Variants in FGF16 observed in about 807,000 individuals in gnomAD.
FGF16 encodes the protein fibroblast growth factor 16.
FGF16 carries 2 observed loss-of-function variants against 8.5 expected under a neutral mutation model. That is an observed-to-expected ratio of 0.24 (90% CI 0.10 to 0.75). The LOEUF (loss-of-function observed/expected upper bound fraction) is 0.75, where lower values mean the gene tolerates loss of function less well. Ranked by LOEUF, FGF16 falls within the 30% of genes least tolerant of loss-of-function variation. The pLI is 0.74. For missense variants in FGF16, 79 were observed against 87.4 expected, an observed-to-expected ratio of 0.90 and a Z score of 0.38; for synonymous variants, 33 against 34.6, an observed-to-expected ratio of 0.95 and a Z score of 0.16.
rs1557027166 is a variant in FGF16, at chrX:77,456,727, G to A, written c.*205G>A. ...TATTTTGGGGAGGGATGGGGGGCTG[G>A]GCTCGAGGGAATCTTGTATATACTT... is the stretch of plus-strand genomic sequence containing the variant. On this transcript the variant is annotated 3_prime_UTR_variant, in exon 3 of 3. Transcript: ENST00000439435. 2.6e-6 allele frequency: 1 copy of A among 384,857 alleles called. No individual in the cohort carries two copies. The highest frequency in any genetic ancestry group is 4.6e-5 in the Admixed American group (1 of 21,974). 31.7% of individuals were successfully genotyped at this position (384,857 alleles called of 1,213,427 possible).
intron 2 of FGF16, among the ~76,000 whole-genome samples, chrX:77,455,782 T>C (rs1301655401): frequency 8.9e-6 from 1 of 111,747 alleles, no homozygotes; most frequent in Non-Finnish European, 1.9e-5. Flanking sequence ...TTCAAGGAGA[T>C]CTTTTCTGAG....
chrX:77,449,512 C>T (rs193043230), intron 1 of FGF16, among the ~76,000 whole-genome samples: 31 of 110,410 alleles, frequency 2.8e-4, no homozygotes, highest in East Asian at 1.4e-3. Context: ...AACTCATTGC[C>T]GATATGTAAC....
Position 77,456,691 on chromosome X carries a change from C to A in FGF16, c.*169C>A. 2.1e-6 allele frequency: 1 copy of A among 470,836 alleles called. No homozygotes were observed. The allele number at this position is 470,836 out of a possible 1,213,427, so 38.8% of individuals were successfully genotyped here. A position where few individuals can be genotyped will look rare whatever the true frequency, so the allele number is the denominator to read the frequency against. On this transcript the variant is annotated 3_prime_UTR_variant, in exon 3 of 3. Coordinates refer to ENST00000439435, the MANE Select transcript of FGF16 (RefSeq NM_003868.3). Reference sequence around the variant, plus strand: ...TTCCCTTGTTGTTCAAAGTGTATATCAAGGTTGGGTTATTTTGGGGAGGGA... The same window carrying A: ...TTCCCTTGTTGTTCAAAGTGTATATAAAGGTTGGGTTATTTTGGGGAGGGA...
chrX:77,453,115 G>T (rs1411419765), intron 1 of FGF16, among the ~76,000 whole-genome samples: 1 of 111,308 alleles, frequency 9.0e-6, no homozygotes, highest in Non-Finnish European at 1.9e-5. Context: ...TTGCAATTTT[G>T]GATAAGAAAG....
chrX:77,454,426 G>A (rs1165238715), intron 2 of FGF16, among the ~76,000 whole-genome samples, 166 bp downstream of exon 2: 15 of 106,631 alleles, frequency 1.4e-4, no homozygotes, highest in African/African-American at 4.5e-4. Flanking sequence ...TGAGGTGGGC[G>A]GATCACAAGG....
Position 77,454,254 on chromosome X carries a change from T to C in FGF16, c.372T>C (p.Tyr124=). The C allele has an allele frequency of 3.0e-6, 2 of 673,407 alleles. No homozygotes were observed. Among genetic ancestry groups the C allele is most frequent in the Non-Finnish European group, 4.4e-6 (2 of 459,352 alleles). The allele number at this position is 673,407 out of a possible 1,213,427, so 55.5% of individuals were successfully genotyped here. The part of the protein sequence containing the change: ...YLGMNERGEL[Y]GSKKLTRECV... ...GAATGAATGAGCGAGGAGAACTCTA[T>C]GGGTCGGTAAGTTTAAGGTTTTTTT... The change falls in exon 2 of 3, where the codon TAT becomes TAC. Residue 124 remains tyrosine, a synonymous_variant. Coordinates refer to ENST00000439435, the MANE Select transcript of FGF16 (RefSeq NM_003868.3).
intron 1 of FGF16, among the ~76,000 whole-genome samples, chrX:77,451,354 A>T (rs782385369): frequency 8.9e-6 from 1 of 112,170 alleles, no homozygotes; most frequent in East Asian, 2.8e-4. Context: ...GACATGAGAT[A>T]CTTACAGAAT....
intron 1 of FGF16, among the ~76,000 whole-genome samples, chrX:77,449,234 G>GT (rs1230016338): frequency 1.8e-5 from 2 of 111,559 alleles, no homozygotes; most frequent in Non-Finnish European, 3.8e-5. Context: ...CCCTAATGAG[G>GT]TCTATGGTAT....
At chrX:77,452,717 A>G (rs1264839662) in intron 1 of FGF16, among the ~76,000 whole-genome samples, 1 of 112,203 alleles carries the variant, frequency 8.9e-6, no homozygotes, top group Non-Finnish European at 1.9e-5. Flanking sequence ...GCCGCTTAAA[A>G]TTCTTGATCT....
At chrX:77,453,138 G>A (rs1214560188) in intron 1 of FGF16, among the ~76,000 whole-genome samples, 6 of 111,601 alleles carry the variant, frequency 5.4e-5, no homozygotes, top group Non-Finnish European at 1.9e-5. Flanking sequence ...AGCCAGATAT[G>A]AGCTCATTTC....
At chrX:77,450,220 G>A (rs1362132969) in intron 1 of FGF16, among the ~76,000 whole-genome samples, 1 of 111,968 alleles carries the variant, frequency 8.9e-6, no homozygotes, top group Non-Finnish European at 1.9e-5. Context: ...TGCTAGGGGG[G>A]AAGAGGTAGT....
At chrX:77,449,542 A>G (rs1164785749) in intron 1 of FGF16, among the ~76,000 whole-genome samples, 3 of 111,579 alleles carry the variant, frequency 2.7e-5, no homozygotes, top group Non-Finnish European at 5.6e-5. Context: ...AGATCATGAA[A>G]TGATGGAGAG....
chrX:77,456,148 TACAG>T (rs1233584386), intron 2 of FGF16, 125 bp from the exon 3 acceptor site: 1 of 583,254 alleles, frequency 1.7e-6, no homozygotes, highest in Non-Finnish European at 2.8e-6. Context: ...CCTCCAGTAA[TACAG>T]AGAGATAGGA....
intron 1 of FGF16, among the ~76,000 whole-genome samples, chrX:77,451,422 A>C (rs1287894357): frequency 8.9e-6 from 1 of 112,290 alleles, no homozygotes; most frequent in African/African-American, 3.2e-5. Context: ...AAAGAACTAA[A>C]GGCTCCCACG....
At position 77,450,529 on chromosome X, in the gene FGF16, G is replaced by A. The variant is rs782253222; in HGVS notation, c.274+2581G>A. Among the ~76,000 whole-genome samples the A allele has an allele frequency of 2.4e-4, 27 of 112,701 alleles. 1 individual carries two copies. Among genetic ancestry groups the A allele is most frequent in the Admixed American group, 9.3e-5 (1 of 10,703 alleles). On this transcript the variant is annotated intron_variant, in intron 1 of 2. Transcript: ENST00000439435. The stretch of plus-strand genomic sequence containing the variant: ...AGAGCTTGGGAGCCAAACTGAAGGA[G>A]AGTCCTCCCACCAGGTGGGATGGAG...
chrX:77,452,080 C>A (rs1454563103), intron 1 of FGF16, among the ~76,000 whole-genome samples: 6 of 112,150 alleles, frequency 5.3e-5, no homozygotes, highest in Non-Finnish European at 5.6e-5. Flanking sequence ...CCTCCCCCAA[C>A]CAAACCCCAA....
intron 1 of FGF16, among the ~76,000 whole-genome samples, chrX:77,448,374 G>T (rs1349555040): frequency 2.7e-5 from 3 of 112,535 alleles, no homozygotes; most frequent in Non-Finnish European, 3.8e-5. Flanking sequence ...GATCCTGCAT[G>T]GGCCGTGGGC....
At chrX:77,452,710 G>A (rs782651770) in intron 1 of FGF16, among the ~76,000 whole-genome samples, 21 of 111,994 alleles carry the variant, frequency 1.9e-4, no homozygotes, top group Non-Finnish European at 3.6e-4. Flanking sequence ...AAAATTAGCC[G>A]CTTAAAATTC....
At position 77,455,094 on chromosome X, in the gene FGF16, C is replaced by T. The variant is rs368641189; in HGVS notation, c.378+834C>T. On this transcript the variant is annotated intron_variant, in intron 2 of 2. Coordinates refer to ENST00000439435, the MANE Select transcript of FGF16 (RefSeq NM_003868.3). ...GATTACAGGCATGAGCCACTGCACCCGGCCCCAAAACATAAGCTTTTCTCT... is the reference window on the plus strand; with the variant it reads ...GATTACAGGCATGAGCCACTGCACCTGGCCCCAAAACATAAGCTTTTCTCT... Among the ~76,000 whole-genome samples the T allele has an allele frequency of 3.2e-3, 361 of 111,980 alleles. 2 individuals carry two copies. Among genetic ancestry groups the T allele is most frequent in the South Asian group, 0.018 (47 of 2,663 alleles).
Sources: allele counts gnomAD v4.1 joint callset (sites outside exome capture counted in the v4.1 genomes callset), GRCh38; gene constraint gnomAD v4.1.1; transcripts MANE v1.5; gene names NCBI Gene and HGNC (gene_info 2026-07-23, HGNC 2026-07-21).